Variants in NDUFAF2 observed in about 807,000 individuals in gnomAD.
NDUFAF2 encodes NADH dehydrogenase [ubiquinone] 1 alpha subcomplex assembly factor 2.
A neutral mutation model predicts 22.8 loss-of-function variants in NDUFAF2; 13 were observed. The ratio of observed to expected loss-of-function variants is 0.57; its 90% CI spans 0.37 to 0.91. The LOEUF (loss-of-function observed/expected upper bound fraction) is 0.91, where lower values mean the gene tolerates loss of function less well. NDUFAF2 is among the 40% of genes least tolerant of loss of function. The pLI, the probability that NDUFAF2 is intolerant of heterozygous loss-of-function variation, is 0.01. For synonymous variants in NDUFAF2, 53 were observed against 64.2 expected (o/e 0.83, Z 0.84); for missense variants, 162 against 195.2 (o/e 0.83, Z 1.01).
At chr5:61,031,852 A>G (rs1751731931) in intron 1 of NDUFAF2, among the ~76,000 whole-genome samples, 1 of 152,204 alleles carries the variant, frequency 6.6e-6, no homozygotes, top group Non-Finnish European at 1.5e-5. Flanking sequence ...ACAGTGTAAA[A>G]GCATTTCTGT....
intron 1 of NDUFAF2, among the ~76,000 whole-genome samples, chr5:61,064,370 C>A (rs962786400): frequency 2.0e-5 from 3 of 152,082 alleles, no homozygotes; most frequent in Non-Finnish European, 4.4e-5. Flanking sequence ...AAATACTGGA[C>A]TTGAATTGCA....
chr5:61,072,254 A>C (rs923936798), intron 1 of NDUFAF2, among the ~76,000 whole-genome samples: 1 of 152,194 alleles, frequency 6.6e-6, no homozygotes, highest in Admixed American at 6.5e-5. Context: ...CATAGCCATA[A>C]CCAAACCAAT....
intron 1 of NDUFAF2, among the ~76,000 whole-genome samples, chr5:60,972,041 C>G (rs1750839161): frequency 6.7e-6 from 1 of 148,800 alleles, no homozygotes; most frequent in Non-Finnish European, 1.5e-5. Context: ...CTCCCGAGTT[C>G]AAGCAATTCT....
chr5:61,106,470 TA>T (rs1752764660), intron 3 of NDUFAF2, among the ~76,000 whole-genome samples: 1 of 151,460 alleles, frequency 6.6e-6, no homozygotes, highest in Non-Finnish European at 1.5e-5. Flanking sequence ...GATACGTGCA[TA>T]CAATGCGTAA....
intron 1 of NDUFAF2, among the ~76,000 whole-genome samples, chr5:60,954,116 T>A (rs1315706776): frequency 3.3e-5 from 5 of 152,146 alleles, no homozygotes; most frequent in African/African-American, 1.2e-4. Context: ...CTAGGACTAG[T>A]TCCAGCTTTA....
rs139431917 is a variant in NDUFAF2 at position 61,048,915 on chromosome 5, G to A, written c.128-24210G>A. 3.0e-3 allele frequency among the ~76,000 whole-genome samples: 457 copies of A among 152,096 alleles called. 2 individuals carry two copies. The highest frequency in any genetic ancestry group is 0.011 in the African/African-American group (441 of 41,490). On this transcript the variant is annotated intron_variant, in intron 1 of 3. Coordinates refer to ENST00000296597, the MANE Select transcript of NDUFAF2 (RefSeq NM_174889.5). ...GGTGGTAGAACCACATTCACAATGGGGCGCACTTTTTCAGGCTGCGTGGTT... is the reference window on the plus strand; with the variant it reads ...GGTGGTAGAACCACATTCACAATGGAGCGCACTTTTTCAGGCTGCGTGGTT...
chr5:61,012,102 T>G (rs568655435), intron 1 of NDUFAF2, among the ~76,000 whole-genome samples: 3 of 152,324 alleles, frequency 2.0e-5, no homozygotes, highest in South Asian at 4.1e-4. Context: ...CTGTTTTGTT[T>G]TGTTTTGTTT....
chr5:61,067,494 A>G (rs1451912571), intron 1 of NDUFAF2, among the ~76,000 whole-genome samples: 1 of 151,898 alleles, frequency 6.6e-6, no homozygotes, highest in East Asian at 1.9e-4. Flanking sequence ...TGAACTCATC[A>G]TTTTTTATGG....
At chr5:60,964,472 AC>A (rs1361691976) in intron 1 of NDUFAF2, among the ~76,000 whole-genome samples, 1 of 145,648 alleles carries the variant, frequency 6.9e-6, no homozygotes, top group Non-Finnish European at 1.5e-5. Context: ...TTTTTTGGAG[AC>A]CGAGTCTCAC....
intron 1 of NDUFAF2, among the ~76,000 whole-genome samples, chr5:61,054,679 A>C (rs1485203419): frequency 6.6e-6 from 1 of 152,226 alleles, no homozygotes; most frequent in Non-Finnish European, 1.5e-5. Flanking sequence ...GGGATATCTT[A>C]CATGTTCCTC....
chr5:61,070,596 T>TAC (rs10651718), intron 1 of NDUFAF2, among the ~76,000 whole-genome samples: 27,500 of 147,632 alleles, frequency 0.19, 3,889 homozygotes, highest in African/African-American at 0.41. Context: ...TGTCTTTGCA[T>TAC]ACACACACAC....
At position 61,056,840 on chromosome 5, in the gene NDUFAF2, G is replaced by C. The variant is rs1288780570; in HGVS notation, c.128-16285G>C. Among the ~76,000 whole-genome samples the C allele has an allele frequency of 2.3e-5, 3 of 128,316 alleles. No homozygotes were observed. The East Asian group carries it at 7.2e-4, about 31-fold the overall frequency. The allele number at this position is 128,316 out of a possible 152,430, so 84.2% of individuals were successfully genotyped here. On this transcript the variant is annotated intron_variant, in intron 1 of 3. Coordinates refer to ENST00000296597, the MANE Select transcript of NDUFAF2 (RefSeq NM_174889.5). ...GGAGGCCGAGGTTGCGGTGAGCTGA[G>C]ATCACGCCATTGCACTCCAGCCTGG... is the stretch of plus-strand genomic sequence containing the variant.
intron 3 of NDUFAF2, chr5:61,146,409 T>G (rs1324956157): frequency 3.9e-5 from 6 of 152,220 alleles, no homozygotes; most frequent in Non-Finnish European, 7.3e-5. Context: ...GGTTTCCATC[T>G]TGTATCATTT....
At chr5:61,104,155 C>T (rs1285067012) in intron 3 of NDUFAF2, among the ~76,000 whole-genome samples, 1 of 152,038 alleles carries the variant, frequency 6.6e-6, no homozygotes, top group Non-Finnish European at 1.5e-5. Context: ...TGAGGAGCAT[C>T]TGGTAATAGT....
At chr5:60,964,375 C>T (rs1750727448) in intron 1 of NDUFAF2, among the ~76,000 whole-genome samples, 1 of 151,694 alleles carries the variant, frequency 6.6e-6, no homozygotes, top group Admixed American at 6.6e-5. Context: ...AGCTAATTAA[C>T]ATATGTATTA....
chr5:61,099,624 T>C (rs571607063), intron 3 of NDUFAF2, among the ~76,000 whole-genome samples: 203 of 151,676 alleles, frequency 1.3e-3, no homozygotes, highest in Non-Finnish European at 2.6e-3. Context: ...TGTTTTACAA[T>C]ATAATTTTTA....
At chr5:61,080,575 G>T (rs1053647423) in intron 2 of NDUFAF2, among the ~76,000 whole-genome samples, 11 of 152,056 alleles carry the variant, frequency 7.2e-5, no homozygotes, top group African/African-American at 2.7e-4. Flanking sequence ...ATATCTCATT[G>T]TGGTTTTAAT....
chr5:61,016,100 C>T (rs966560369), intron 1 of NDUFAF2, among the ~76,000 whole-genome samples: 30 of 152,124 alleles, frequency 2.0e-4, no homozygotes, highest in Non-Finnish European at 3.7e-4. Flanking sequence ...GCAGGAGAAT[C>T]GCTTGAACCC....
intron 1 of NDUFAF2, among the ~76,000 whole-genome samples, chr5:60,980,466 A>C (rs1015213445): frequency 1.3e-5 from 2 of 152,166 alleles, no homozygotes; most frequent in Non-Finnish European, 2.9e-5. Context: ...ACAAAGAAAT[A>C]CAAATAATTA....
Sources: gnomAD v4.1 joint callset for allele counts (sites outside exome capture counted in the v4.1 genomes callset) on GRCh38, gnomAD v4.1.1 for gene constraint, MANE v1.5 for transcripts, NCBI Gene and HGNC (gene_info 2026-07-23, HGNC 2026-07-21) for gene names.